Variants in INPP4B observed in about 807,000 individuals in gnomAD.
INPP4B encodes inositol polyphosphate-4-phosphatase type II B.
INPP4B carries 55 observed loss-of-function variants against 122.5 expected under a neutral mutation model. The observed-to-expected ratio is 0.45, with a 90% confidence interval of 0.36 to 0.56. The LOEUF (loss-of-function observed/expected upper bound fraction) is 0.56, where lower values mean the gene tolerates loss of function less well. Among genes scored for constraint, INPP4B ranks in the 20% least tolerant of loss-of-function variants. The probability of loss-of-function intolerance (pLI) is 0.00; values close to 1 mark genes in which losing one functional copy is unlikely to be tolerated. For missense variants in INPP4B, 1,000 were observed against 1,097.7 expected (o/e 0.91, Z 1.26); for synonymous variants, 403 against 388.7 (o/e 1.04, Z -0.43).
intron 1 of INPP4B, among the ~76,000 whole-genome samples, chr4:142,799,811 T>A (rs2151087207): frequency 6.6e-6 from 1 of 152,100 alleles, no homozygotes; most frequent in Admixed American, 6.5e-5. Flanking sequence ...ACATATAAAT[T>A]TCTTTATGAA....
intron 18 of INPP4B, among the ~76,000 whole-genome samples, chr4:142,141,783 A>ACAACCCAGATGACCAT (rs1317401617): frequency 1.3e-5 from 2 of 152,144 alleles, no homozygotes; most frequent in Non-Finnish European, 2.9e-5. Context: ...TAAAAGTAGC[A>ACAACCCAGATGACCAT]CAACCCAGAT....
At chr4:142,771,117 T>A (rs1306922283) in intron 1 of INPP4B, among the ~76,000 whole-genome samples, 1 of 151,986 alleles carries the variant, frequency 6.6e-6, no homozygotes. Context: ...GGGGAAGCTC[T>A]GAAAGAAAAG....
intron 1 of INPP4B, among the ~76,000 whole-genome samples, chr4:142,816,023 T>C (rs1026158341): frequency 6.6e-6 from 1 of 152,144 alleles, no homozygotes; most frequent in Non-Finnish European, 1.5e-5. Context: ...AAAATGTGTG[T>C]CCCCACCAGT....
chr4:142,690,981 A>C (rs1408464145), intron 2 of INPP4B, among the ~76,000 whole-genome samples: 2 of 152,168 alleles, frequency 1.3e-5, no homozygotes, highest in African/African-American at 2.4e-5. Context: ...CAAGTTCTGA[A>C]TATAATGCTG....
rs868525087 is a variant in INPP4B, at chr4:142,659,909, C to G, written c.-191+65930G>C. ...CCCCACCCGTGAGATACAGTTTTGT[C>G]CCAGACTCAATTCTAAGCTTTGGTT... On this transcript the variant is annotated intron_variant, in intron 2 of 25. Coordinates refer to ENST00000262992, the MANE Select transcript of INPP4B (RefSeq NM_001101669.3). 3.4e-5 allele frequency among the ~76,000 whole-genome samples: 4 copies of G among 119,100 alleles called. No homozygotes were observed. The South Asian group carries it at 1.2e-3, about 34-fold the overall frequency. The allele number at this position is 119,100 out of a possible 152,430, so 78.1% of individuals were successfully genotyped here.
rs192428519 is a variant in INPP4B, at chr4:142,123,762, T to G, written c.1894-347A>C. 2.4e-4 allele frequency among the ~76,000 whole-genome samples: 37 copies of G among 152,226 alleles called. 2 individuals are homozygous for G. The highest frequency in any genetic ancestry group is 2.4e-3 in the Admixed American group (36 of 15,270). ...TGTACATGTAAAATAGAGATGATAATAATCATTTCACAGGGTCATTAAAAG... is the reference window on the plus strand; with the variant it reads ...TGTACATGTAAAATAGAGATGATAAGAATCATTTCACAGGGTCATTAAAAG... On this transcript the variant is annotated intron_variant, in intron 19 of 25. Transcript: ENST00000262992.
At chr4:142,301,153 C>A (rs908488125) in intron 9 of INPP4B, among the ~76,000 whole-genome samples, 6 of 152,122 alleles carry the variant, frequency 3.9e-5, no homozygotes, top group Non-Finnish European at 8.8e-5. Flanking sequence ...AATACTTAGA[C>A]TGCATAATAT....
At chr4:142,151,813 G>C (rs1227688746) in intron 17 of INPP4B, among the ~76,000 whole-genome samples, 1 of 152,070 alleles carries the variant, frequency 6.6e-6, no homozygotes, top group Non-Finnish European at 1.5e-5. Context: ...TGCAGTCTTA[G>C]AAACATGCTG....
intron 2 of INPP4B, among the ~76,000 whole-genome samples, chr4:142,545,769 G>GTA (rs763825574): frequency 3.7e-5 from 5 of 135,332 alleles, no homozygotes; most frequent in East Asian, 2.1e-4. Flanking sequence ...GTATATGTGT[G>GTA]TATATATATA....
intron 25 of INPP4B, among the ~76,000 whole-genome samples, chr4:142,039,814 T>C (rs1746192527): frequency 6.6e-6 from 1 of 152,112 alleles, no homozygotes; most frequent in Admixed American, 6.5e-5. Flanking sequence ...CATAAAAGAA[T>C]GCTAATATGT....
At chr4:142,173,051 C>T (rs918865001) in intron 16 of INPP4B, among the ~76,000 whole-genome samples, 3 of 151,858 alleles carry the variant, frequency 2.0e-5, no homozygotes, top group Non-Finnish European at 4.4e-5. Flanking sequence ...CTCCTTTCTG[C>T]AGATAAAGGA....
intron 2 of INPP4B, among the ~76,000 whole-genome samples, chr4:142,632,198 G>A (rs1206056396): frequency 6.6e-6 from 1 of 152,112 alleles, no homozygotes; most frequent in Non-Finnish European, 1.5e-5. Context: ...TGGCAGACTA[G>A]CATCCGACAT....
intron 5 of INPP4B, among the ~76,000 whole-genome samples, chr4:142,408,001 T>A (rs922160482): frequency 3.3e-5 from 5 of 152,236 alleles, no homozygotes; most frequent in Non-Finnish European, 7.3e-5. Context: ...TCAGTCATAC[T>A]CAGCTTTTTA....
At chr4:142,099,186 G>A (rs1410719771) in intron 23 of INPP4B, among the ~76,000 whole-genome samples, 1 of 152,008 alleles carries the variant, frequency 6.6e-6, no homozygotes. Context: ...TGAAAAAATG[G>A]GTGGTGAAAA....
chr4:142,359,377 C>G (rs1784674526), intron 7 of INPP4B, among the ~76,000 whole-genome samples: 2 of 151,916 alleles, frequency 1.3e-5, no homozygotes, highest in Non-Finnish European at 2.9e-5. Flanking sequence ...TACCTACCCT[C>G]ATGTTGTTGT....
rs540266102 is a variant in INPP4B at position 142,069,836 on chromosome 4, T to G, written c.2642+12195A>C. 5.3e-4 allele frequency among the ~76,000 whole-genome samples: 81 copies of G among 152,270 alleles called. 1 individual carries two copies. The highest frequency in any genetic ancestry group is 1.9e-3 in the African/African-American group (78 of 41,572). On this transcript the variant is annotated intron_variant, in intron 25 of 25. Coordinates refer to ENST00000262992, the MANE Select transcript of INPP4B (RefSeq NM_001101669.3). ...ATAACAGGCTCTGAAATTGAGGAAA[T>G]AATTAATAGCCTACCAACCAAAAAA...
intron 9 of INPP4B, among the ~76,000 whole-genome samples, chr4:142,280,200 C>G (rs979802046): frequency 1.3e-5 from 2 of 151,744 alleles, no homozygotes; most frequent in African/African-American, 4.8e-5. Context: ...AAATATTTAC[C>G]CTAGAGAAAT....
chr4:142,040,038 G>C (rs547320390), intron 25 of INPP4B, among the ~76,000 whole-genome samples: 2 of 148,158 alleles, frequency 1.3e-5, no homozygotes, highest in Non-Finnish European at 2.9e-5. Flanking sequence ...TTGCGGGTTG[G>C]GGGGGTAATA....
chr4:142,537,425 T>TAGAG (rs1384384001), intron 2 of INPP4B, among the ~76,000 whole-genome samples: 88 of 40,954 alleles, frequency 2.1e-3, no homozygotes, highest in African/African-American at 6.1e-3. Context: ...TATATATATA[T>TAGAG]ATATAGAGAG....
Sources: allele counts gnomAD v4.1 joint callset (sites outside exome capture counted in the v4.1 genomes callset), GRCh38; gene constraint gnomAD v4.1.1; transcripts MANE v1.5; gene names NCBI Gene and HGNC (gene_info 2026-07-23, HGNC 2026-07-21).